The following ZDHHC14 variants were observed in gnomAD, a reference collection of about 807,000 sequenced individuals.
The protein encoded by ZDHHC14 is palmitoyltransferase ZDHHC14.
A neutral mutation model predicts 47.7 loss-of-function variants in ZDHHC14; 16 were observed. That is an observed-to-expected ratio of 0.34 (90% confidence interval 0.23 to 0.51). The LOEUF is 0.51. Among genes scored for constraint, ZDHHC14 ranks in the 20% least tolerant of loss-of-function variants. The probability of loss-of-function intolerance (pLI) is 0.97; values close to 1 mark genes in which losing one functional copy is unlikely to be tolerated. For missense variants in ZDHHC14, 515 were observed against 662.5 expected, an observed-to-expected ratio of 0.78 and a Z score of 2.44; for synonymous variants, 293 against 278.9, an observed-to-expected ratio of 1.05 and a Z score of -0.50.
chr6:157,483,676 A>C (rs1384659002), intron 1 of ZDHHC14, among the ~76,000 whole-genome samples: 2 of 152,186 alleles, frequency 1.3e-5, no homozygotes, highest in East Asian at 1.9e-4. Context: ...ATTACATAGA[A>C]GTGGCTCAGG....
chr6:157,429,121 A>G (rs1778284710), intron 1 of ZDHHC14, among the ~76,000 whole-genome samples: 2 of 152,104 alleles, frequency 1.3e-5, no homozygotes, highest in African/African-American at 4.8e-5. Flanking sequence ...TAATTCTTTG[A>G]AAACATTTCT....
chr6:157,487,890 C>T lies in ZDHHC14; in HGVS notation c.246-54695C>T, dbSNP rs1387550619. Among the ~76,000 whole-genome samples, 4 of 152,340 alleles carry T rather than the reference C, an allele frequency of 2.6e-5. No homozygotes were observed. In the South Asian group the frequency reaches 8.3e-4, roughly 32 times the overall value. On this transcript the variant is annotated intron_variant, in intron 1 of 8. Coordinates refer to ENST00000359775, the MANE Select transcript of ZDHHC14 (RefSeq NM_024630.3). ...CCCGGAGCTGCTCTTTCTCCAGCCC[C>T]TTCCAGGTCTCAGAGGCTCTCACAG... is the stretch of plus-strand genomic sequence containing the variant.
intron 2 of ZDHHC14, among the ~76,000 whole-genome samples, chr6:157,559,822 T>C (rs1782636433): frequency 6.6e-6 from 1 of 152,172 alleles, no homozygotes; most frequent in African/African-American, 2.4e-5. Context: ...TTGTGTCAAG[T>C]TTTAGAAATA....
At chr6:157,497,581 C>A (rs1168237043) in intron 1 of ZDHHC14, among the ~76,000 whole-genome samples, 1 of 152,170 alleles carries the variant, frequency 6.6e-6, no homozygotes, top group Non-Finnish European at 1.5e-5. Flanking sequence ...GGCAGCCCAG[C>A]ACCTCCATCC....
chr6:157,489,816 T>A (rs952354638), intron 1 of ZDHHC14, among the ~76,000 whole-genome samples: 1 of 152,180 alleles, frequency 6.6e-6, no homozygotes, highest in Non-Finnish European at 1.5e-5. Flanking sequence ...TCACCCAGGC[T>A]GGAGTGCAGT....
intron 3 of ZDHHC14, 60 bp from the exon 4 acceptor site, chr6:157,628,289 G>T (rs1006227338): frequency 1.3e-6 from 2 of 1,563,654 alleles, no homozygotes; most frequent in Non-Finnish European, 1.7e-6. Flanking sequence ...GCTCCTGCAA[G>T]TAAAAAGACA....
intron 1 of ZDHHC14, among the ~76,000 whole-genome samples, chr6:157,520,334 T>A (rs1780869318): frequency 6.6e-6 from 1 of 152,244 alleles, no homozygotes; most frequent in Non-Finnish European, 1.5e-5. Context: ...TTTCATTGGA[T>A]CATGTTTAAA....
chr6:157,480,058 A>G lies in ZDHHC14; in HGVS notation c.246-62527A>G, dbSNP rs533863530. Among the ~76,000 whole-genome samples the G allele has an allele frequency of 1.4e-3, 215 of 152,302 alleles. 1 individual carries two copies. The highest frequency in any genetic ancestry group is 5.0e-3 in the African/African-American group (207 of 41,568). On this transcript the variant is annotated intron_variant, in intron 1 of 8. Transcript: ENST00000359775. ...GACAACAGTGGCCCACCTATGTCAC[A>G]GGTTGCTGTTAAGAGCAAGTGAACT...
chr6:157,638,989 T>G (rs184593316), intron 5 of ZDHHC14, among the ~76,000 whole-genome samples: 1 of 152,338 alleles, frequency 6.6e-6, no homozygotes, highest in African/African-American at 2.4e-5. Flanking sequence ...TGCAGGGCCA[T>G]GCCTGGCATC....
At chr6:157,533,740 C>T (rs181508469) in intron 1 of ZDHHC14, among the ~76,000 whole-genome samples, 23 of 152,308 alleles carry the variant, frequency 1.5e-4, no homozygotes, top group Non-Finnish European at 2.9e-5. Context: ...GCAGAAGAGC[C>T]GGGCCATGCT....
At chr6:157,484,952 G>T (rs1477253528) in intron 1 of ZDHHC14, among the ~76,000 whole-genome samples, 2 of 151,986 alleles carry the variant, frequency 1.3e-5, no homozygotes. Context: ...ACAAAAATTA[G>T]CCGGATGTGA....
intron 1 of ZDHHC14, among the ~76,000 whole-genome samples, chr6:157,418,394 G>A (rs949864940): frequency 5.9e-5 from 9 of 152,220 alleles, no homozygotes; most frequent in African/African-American, 2.2e-4. Context: ...AGGCATGAAC[G>A]AGGGTTAAGC....
At chr6:157,614,626 C>T (rs1358024340) in intron 3 of ZDHHC14, among the ~76,000 whole-genome samples, 1 of 152,114 alleles carries the variant, frequency 6.6e-6, no homozygotes, top group East Asian at 1.9e-4. Context: ...CATCGATCTG[C>T]CACAAATGGG....
intron 1 of ZDHHC14, among the ~76,000 whole-genome samples, chr6:157,419,574 C>T (rs966925119): frequency 3.3e-5 from 5 of 152,216 alleles, no homozygotes; most frequent in Non-Finnish European, 7.3e-5. Flanking sequence ...GTTGCCTTTT[C>T]ATTTGGCTTC....
rs1318336861 is a variant in ZDHHC14, at chr6:157,676,418, C to G, written c.*3296C>G. 1 of 152,480 alleles carries G rather than the reference C, an allele frequency of 6.6e-6. No individual in the cohort carries two copies. Among genetic ancestry groups the G allele is most frequent in the Non-Finnish European group, 1.5e-5 (1 of 68,196 alleles). 9.4% of individuals were successfully genotyped at this position (152,480 alleles called of 1,614,324 possible). On this transcript the variant is annotated 3_prime_UTR_variant, in exon 9 of 9. Coordinates refer to ENST00000359775, the MANE Select transcript of ZDHHC14 (RefSeq NM_024630.3). ...GAGTCTTTGCAGAGTTCCACGCCACCCCCCAGCTTACTGCGGCCTTCACCG... is the reference window on the plus strand; with the variant it reads ...GAGTCTTTGCAGAGTTCCACGCCACGCCCCAGCTTACTGCGGCCTTCACCG...
chr6:157,398,089 C>G (rs1366929816), intron 1 of ZDHHC14, among the ~76,000 whole-genome samples: 2 of 151,746 alleles, frequency 1.3e-5, no homozygotes, highest in Admixed American at 1.3e-4. Flanking sequence ...TCCCCAGCCC[C>G]CCCCGGCTCC....
At chr6:157,567,868 C>T (rs758930543) in intron 2 of ZDHHC14, among the ~76,000 whole-genome samples, 1 of 151,846 alleles carries the variant, frequency 6.6e-6, no homozygotes, top group African/African-American at 2.4e-5. Flanking sequence ...TGAAGTAGTC[C>T]GTGTTAAGTG....
chr6:157,496,385 T>A (rs1157441588), intron 1 of ZDHHC14, among the ~76,000 whole-genome samples: 1 of 152,160 alleles, frequency 6.6e-6, no homozygotes, highest in Non-Finnish European at 1.5e-5. Flanking sequence ...CCCCCCATGC[T>A]ATTTTAGGTT....
At chr6:157,494,732 A>G (rs1267583411) in intron 1 of ZDHHC14, among the ~76,000 whole-genome samples, 2 of 152,242 alleles carry the variant, frequency 1.3e-5, no homozygotes, top group Non-Finnish European at 2.9e-5. Context: ...TAAAAATCCA[A>G]TAAATACAAA....
Sources: allele counts gnomAD v4.1 joint callset (sites outside exome capture counted in the v4.1 genomes callset), GRCh38; gene constraint gnomAD v4.1.1; transcripts MANE v1.5; gene names NCBI Gene and HGNC (gene_info 2026-07-23, HGNC 2026-07-21).